Variants in LRRTM4 observed in about 807,000 individuals in gnomAD.
LRRTM4 encodes leucine-rich repeat transmembrane neuronal protein 4.
In LRRTM4, 25 loss-of-function variants were observed where a neutral mutation model predicts 47.6. The observed-to-expected ratio is 0.53, with a 90% CI of 0.38 to 0.73. The LOEUF is 0.73. LRRTM4 is among the 30% of genes least tolerant of loss of function. LRRTM4 has a pLI of 0.00. For synonymous variants in LRRTM4, 311 were observed against 269.5 expected, an observed-to-expected ratio of 1.15 and a Z score of -1.51; for missense variants, 638 against 713.4, an observed-to-expected ratio of 0.89 and a Z score of 1.20.
chr2:76,867,760 T>C (rs1672506998), intron 3 of LRRTM4, among the ~76,000 whole-genome samples: 1 of 152,176 alleles, frequency 6.6e-6, no homozygotes, highest in African/African-American at 2.4e-5. Context: ...TGATGGTGTA[T>C]AGCACACTGA....
At chr2:76,771,284 G>C (rs1486046353) in intron 3 of LRRTM4, among the ~76,000 whole-genome samples, 1 of 152,198 alleles carries the variant, frequency 6.6e-6, no homozygotes, top group African/African-American at 2.4e-5. Context: ...ACAGTATCAA[G>C]TCCCATTCAT....
chr2:76,778,649 C>A (rs1482721233), intron 3 of LRRTM4, among the ~76,000 whole-genome samples: 2 of 152,158 alleles, frequency 1.3e-5, no homozygotes, highest in East Asian at 3.9e-4. Context: ...ATTCTTCTCT[C>A]TTTTTTTCTT....
At chr2:77,364,312 T>C (rs1672357817) in intron 3 of LRRTM4, among the ~76,000 whole-genome samples, 1 of 152,136 alleles carries the variant, frequency 6.6e-6, no homozygotes, top group Non-Finnish European at 1.5e-5. Context: ...TCAAAATAAA[T>C]GCTGTATATA....
intron 3 of LRRTM4, among the ~76,000 whole-genome samples, chr2:76,808,313 T>A (rs952841390): frequency 1.3e-5 from 2 of 152,126 alleles, no homozygotes; most frequent in Non-Finnish European, 2.9e-5. Context: ...CTGGCCTATT[T>A]TCATTATTTC....
At chr2:77,109,143 G>A (rs1255950310) in intron 3 of LRRTM4, among the ~76,000 whole-genome samples, 1 of 152,114 alleles carries the variant, frequency 6.6e-6, no homozygotes, top group East Asian at 1.9e-4. Context: ...GCCATGTTGG[G>A]TTTTTGTTTG....
In LRRTM4 at chr2:77,072,001, T is replaced by C. The variant is rs143985312; in HGVS notation, c.1552-323085A>G. ...GACTCTCTTATTTTAGTTTGGATCA[T>C]TGAATTATGCAACTCCTCTGTCCCT... On this transcript the variant is annotated intron_variant, in intron 3 of 3. Coordinates refer to ENST00000409884, the MANE Select transcript of LRRTM4 (RefSeq NM_001134745.3). 9.3e-3 allele frequency among the ~76,000 whole-genome samples: 1,424 copies of C among 152,306 alleles called. 4 individuals are homozygous for C. Among genetic ancestry groups the C allele is most frequent in the Middle Eastern group, 0.017 (5 of 294 alleles).
At chr2:77,474,542 A>C (rs1192320461) in intron 3 of LRRTM4, among the ~76,000 whole-genome samples, 1 of 152,126 alleles carries the variant, frequency 6.6e-6, no homozygotes, top group African/African-American at 2.4e-5. Flanking sequence ...TTAAAGACCA[A>C]AACTTGTATA....
intron 3 of LRRTM4, among the ~76,000 whole-genome samples, chr2:77,083,627 A>C (rs1315001771): frequency 2.6e-5 from 4 of 152,044 alleles, no homozygotes; most frequent in African/African-American, 7.2e-5. Context: ...CTAGATATTC[A>C]CATACTGTAG....
intron 3 of LRRTM4, among the ~76,000 whole-genome samples, chr2:77,368,817 T>C (rs1410140724): frequency 6.6e-6 from 1 of 151,712 alleles, no homozygotes; most frequent in Non-Finnish European, 1.5e-5. Context: ...AGTATAGCTA[T>C]CTTTATGAGG....
intron 3 of LRRTM4, among the ~76,000 whole-genome samples, chr2:77,339,761 T>C (rs1671300201): frequency 6.6e-6 from 1 of 151,958 alleles, no homozygotes; most frequent in South Asian, 2.1e-4. Flanking sequence ...ACATATCCTT[T>C]TTCATAGGCC....
intron 3 of LRRTM4, among the ~76,000 whole-genome samples, chr2:76,864,852 G>C (rs867553565): frequency 5.0e-5 from 7 of 139,214 alleles, no homozygotes; most frequent in African/African-American, 1.6e-4. Context: ...TCAGCCTCTC[G>C]AGTAGCTGGG....
At chr2:77,318,069 C>T (rs1338184441) in intron 3 of LRRTM4, among the ~76,000 whole-genome samples, 5 of 139,732 alleles carry the variant, frequency 3.6e-5, no homozygotes, top group Admixed American at 7.7e-5. Context: ...TGCAGTGGCG[C>T]GATCTTGGCT....
At chr2:77,179,227 A>C (rs1367944017) in intron 3 of LRRTM4, among the ~76,000 whole-genome samples, 2 of 152,196 alleles carry the variant, frequency 1.3e-5, no homozygotes, top group Admixed American at 1.3e-4. Context: ...TAAAACTCTT[A>C]CTATTTTATA....
chr2:76,799,986 G>A (rs11677131), intron 3 of LRRTM4, among the ~76,000 whole-genome samples: 1,950 of 149,566 alleles, frequency 0.013, 19 homozygotes, highest in South Asian at 0.034. Flanking sequence ...TTCCATGCTC[G>A]TGGGTAGGAA....
chr2:77,041,258 C>G (rs183266868), intron 3 of LRRTM4, among the ~76,000 whole-genome samples: 2 of 151,490 alleles, frequency 1.3e-5, no homozygotes, highest in Non-Finnish European at 3.0e-5. Context: ...GGATTTCATT[C>G]TTTCTTATGG....
chr2:76,835,420 TAGTAAG>T (rs995762411), intron 3 of LRRTM4, among the ~76,000 whole-genome samples: 3 of 152,216 alleles, frequency 2.0e-5, no homozygotes, highest in African/African-American at 7.2e-5. Flanking sequence ...CAATGGTGAA[TAGTAAG>T]AGTAATACAT....
chr2:77,306,708 C>T (rs1267561863), intron 3 of LRRTM4, among the ~76,000 whole-genome samples: 2 of 151,734 alleles, frequency 1.3e-5, no homozygotes, highest in Non-Finnish European at 2.9e-5. Flanking sequence ...TATATTGACC[C>T]TGACTTTCAA....
chr2:77,133,080 G>C (rs1349186474), intron 3 of LRRTM4, among the ~76,000 whole-genome samples: 4 of 152,278 alleles, frequency 2.6e-5, no homozygotes, highest in African/African-American at 9.6e-5. Context: ...GAATGTGGCA[G>C]CTGCCCAGAA....
intron 3 of LRRTM4, among the ~76,000 whole-genome samples, chr2:76,894,026 T>G (rs1349477693): frequency 2.0e-5 from 3 of 151,938 alleles, no homozygotes; most frequent in African/African-American, 7.2e-5. Flanking sequence ...AAGTCAAATG[T>G]GCATATTATA....
Sources: allele counts gnomAD v4.1 joint callset (sites outside exome capture counted in the v4.1 genomes callset), GRCh38; gene constraint gnomAD v4.1.1; transcripts MANE v1.5; gene names NCBI Gene and HGNC (gene_info 2026-07-23, HGNC 2026-07-21).